The following COQ5 variants were observed in gnomAD, a reference collection of about 807,000 sequenced individuals.
The protein encoded by COQ5 is 2-methoxy-6-polyprenyl-1,4-benzoquinol methylase, mitochondrial.
A neutral mutation model predicts 40.5 loss-of-function variants in COQ5; 27 were observed. The observed-to-expected ratio is 0.67, with a 90% confidence interval of 0.49 to 0.92. The LOEUF (loss-of-function observed/expected upper bound fraction) is 0.92. COQ5 is among the 40% of genes least tolerant of loss of function. COQ5 has a pLI of 0.00. For synonymous variants in COQ5, 141 were observed against 150.0 expected, an observed-to-expected ratio of 0.94 and a Z score of 0.44; for missense variants, 409 against 406.4, an observed-to-expected ratio of 1.01 and a Z score of -0.06.
chr12:120,504,947 C>T lies in COQ5; in HGVS notation c.718G>A (p.Gly240Arg). 1 of 1,614,096 alleles carries T rather than the reference C, an allele frequency of 6.2e-7. No individual in the cohort carries two copies. The highest frequency in any genetic ancestry group is 1.1e-5 in the South Asian group (1 of 91,082). ...QEAHRVLKPG[G>R]RFLCLEFSQV... The stretch of plus-strand genomic sequence containing the variant: ...CTAAATTCCAGACAGAGAAACCGTC[C>T]TCCTGGTTTCAGCACCCGATGAGCT... Residue 240 changes from glycine (G) to arginine (R), a missense_variant, in exon 5 of 7, where the codon GGA (glycine) becomes AGA (arginine). Transcript: ENST00000288532.
chr12:120,521,071 T>G (rs75408667), intron 2 of COQ5, among the ~76,000 whole-genome samples: 5 of 149,128 alleles, frequency 3.4e-5, no homozygotes, highest in African/African-American at 9.8e-5. Flanking sequence ...TGCGTTTTTT[T>G]TTTTTTTTTT....
chr12:120,504,111 A>G (rs1167703119), intron 5 of COQ5, 30 bp from the exon 6 acceptor site: 1 of 1,310,746 alleles, frequency 7.6e-7, no homozygotes, highest in African/African-American at 1.5e-5. Context: ...AAAGATGAAG[A>G]TTAGAACATG....
intron 1 of COQ5, among the ~76,000 whole-genome samples, chr12:120,524,253 C>T (rs985151151): frequency 6.6e-6 from 1 of 151,976 alleles, no homozygotes; most frequent in Non-Finnish European, 1.5e-5. Flanking sequence ...AAGTGTTTCC[C>T]TTTAAAGTTA....
At chr12:120,510,258 G>A in intron 3 of COQ5, 135 bp from the exon 4 acceptor site, 1 of 720,792 alleles carries the variant, frequency 1.4e-6, no homozygotes, top group Non-Finnish European at 2.6e-6. Flanking sequence ...TCTAATCCCA[G>A]CTTCACCATA....
rs776383344 is a variant in COQ5, at chr12:120,504,895, C to A, written c.770G>T (p.Arg257Met). Reference protein sequence around the residue: ...FSQVNNPLISRLYDLYSFQVI... With the variant: ...FSQVNNPLISMLYDLYSFQVI... ...ATAAAGCCCTATTAACAATGCCAAC[C>A]TGGATATGAGGGGATTGTTCACTTG... Residue 257 changes from arginine (R) to methionine (M), a missense_variant and splice_region_variant, in exon 5 of 7, where the codon AGG (arginine) becomes ATG (methionine). Arg to Met is a moderately conservative substitution (Grantham distance 91). Coordinates refer to ENST00000288532, the MANE Select transcript of COQ5 (RefSeq NM_032314.4). The A allele has an allele frequency of 6.2e-7, 1 of 1,613,788 alleles. No homozygotes were observed.
chr12:120,525,026 G>A (rs566793920), intron 1 of COQ5, among the ~76,000 whole-genome samples: 2 of 151,772 alleles, frequency 1.3e-5, no homozygotes, highest in East Asian at 3.9e-4. Flanking sequence ...AGCCAGGATA[G>A]TCTCGATCTC....
At chr12:120,516,939 C>G in intron 2 of COQ5, 151 bp from the exon 3 acceptor site, 1 of 732,540 alleles carries the variant, frequency 1.4e-6, no homozygotes, top group South Asian at 1.5e-5. Context: ...CAAGTCCTTT[C>G]TTCTTTTTGT....
rs1289835677 is a variant in COQ5, at chr12:120,529,151, C to G, written c.-10G>C. On this transcript the variant is annotated 5_prime_UTR_variant, in exon 1 of 7. Transcript: ENST00000288532. ...TCCCGGGGGCCGCCATCTTGGTAGT[C>G]GAGTGACAACGGCCAGAGAGTACGC... The G allele has an allele frequency of 6.2e-6, 10 of 1,608,474 alleles. No individual in the cohort carries two copies. Among genetic ancestry groups the G allele is most frequent in the Non-Finnish European group, 8.5e-6 (10 of 1,176,618 alleles).
chr12:120,520,431 T>C (rs780632443), intron 2 of COQ5, among the ~76,000 whole-genome samples: 8 of 152,040 alleles, frequency 5.3e-5, no homozygotes, highest in Non-Finnish European at 8.8e-5. Context: ...GTTCAAGCAA[T>C]TCTCTTGCCT....
At chr12:120,525,230 G>C (rs1228830574) in intron 1 of COQ5, among the ~76,000 whole-genome samples, 1 of 152,054 alleles carries the variant, frequency 6.6e-6, no homozygotes, top group Non-Finnish European at 1.5e-5. Context: ...CTCCCGAATA[G>C]CTACGATTAC....
At chr12:120,504,502 C>A in intron 5 of COQ5, 1 of 286,388 alleles carries the variant, frequency 3.5e-6, no homozygotes, top group South Asian at 3.6e-5. Context: ...CCCGCCTCAG[C>A]CTCCCAAAGT....
intron 1 of COQ5, chr12:120,522,686 C>T (rs1304824186): frequency 3.5e-5 from 23 of 654,436 alleles, no homozygotes; most frequent in Admixed American, 1.9e-4. Flanking sequence ...CGTAGGTGTC[C>T]GGGCACCTTT....
At chr12:120,510,850 G>C (rs1422114441) in intron 3 of COQ5, among the ~76,000 whole-genome samples, 1 of 152,110 alleles carries the variant, frequency 6.6e-6, no homozygotes, top group Non-Finnish European at 1.5e-5. Flanking sequence ...ATCTTGATTA[G>C]ACTTTAACAT....
Position 120,516,764 on chromosome 12 carries a change from T to C in COQ5, c.377A>G (p.Asn126Ser), listed in dbSNP as rs1443777924. Reference protein sequence around the residue: ...GTGDIAFRFLNYVQSQHQRKQ... With the variant: ...GTGDIAFRFLSYVQSQHQRKQ... The stretch of plus-strand genomic sequence containing the variant: ...TCTCTGATGCTGGGACTGAACATAA[T>C]TAAGGAACCGGAATGCAATGTCACC... The change falls in exon 3 of 7, where the codon AAT (asparagine) becomes AGT (serine). Residue 126 changes from asparagine (N) to serine (S), a missense_variant. Asn to Ser is a conservative substitution (Grantham distance 46, BLOSUM62 1). Coordinates refer to ENST00000288532, the MANE Select transcript of COQ5 (RefSeq NM_032314.4). 6.2e-7 allele frequency: 1 copy of C among 1,614,182 alleles called. No individual in the cohort carries two copies. Among genetic ancestry groups the C allele is most frequent in the Non-Finnish European group, 8.5e-7 (1 of 1,180,014 alleles).
At chr12:120,513,375 G>A (rs1281354772) in intron 3 of COQ5, among the ~76,000 whole-genome samples, 2 of 150,922 alleles carry the variant, frequency 1.3e-5, no homozygotes, top group Non-Finnish European at 3.0e-5. Flanking sequence ...GGCGGCATGT[G>A]CCTGTAGTCC....
chr12:120,515,484 C>T (rs931684572), intron 3 of COQ5, among the ~76,000 whole-genome samples: 10 of 152,186 alleles, frequency 6.6e-5, no homozygotes, highest in African/African-American at 2.2e-4. Context: ...ATCTGCTGTT[C>T]GTATTTACCA....
intron 1 of COQ5, among the ~76,000 whole-genome samples, chr12:120,528,442 T>C (rs551993603): frequency 2.6e-5 from 4 of 152,070 alleles, no homozygotes; most frequent in Non-Finnish European, 5.9e-5. Flanking sequence ...GAATTGAAAA[T>C]AATGTCTGTA....
chr12:120,505,019 A>G, intron 4 of COQ5, 36 bp from the exon 5 acceptor site: 1 of 1,541,814 alleles, frequency 6.5e-7, no homozygotes, highest in Non-Finnish European at 9.0e-7. Flanking sequence ...CACACTCCTC[A>G]GTAGACCTCA....
intron 2 of COQ5, among the ~76,000 whole-genome samples, chr12:120,518,628 G>A (rs1265807990): frequency 1.3e-5 from 2 of 150,964 alleles, no homozygotes; most frequent in East Asian, 1.9e-4. Context: ...GCAGTAGCAC[G>A]ATCTCAGCTC....
Sources: gnomAD v4.1 joint callset for allele counts (sites outside exome capture counted in the v4.1 genomes callset) on GRCh38, gnomAD v4.1.1 for gene constraint, MANE v1.5 for transcripts, NCBI Gene and HGNC (gene_info 2026-07-23, HGNC 2026-07-21) for gene names.